Variants in DNAJB6 observed in about 807,000 individuals in gnomAD.
The protein encoded by DNAJB6 is DnaJ heat shock protein family (Hsp40) member B6, also known as dnaJ homolog subfamily B member 6.
Under a neutral mutation model 42.7 loss-of-function variants are expected in DNAJB6, and 16 were observed. The ratio of observed to expected loss-of-function variants is 0.37; its 90% CI spans 0.25 to 0.57. DNAJB6 has a LOEUF of 0.57. Among genes scored for constraint, DNAJB6 ranks in the 20% least tolerant of loss-of-function variants. The pLI, the probability that DNAJB6 is intolerant of heterozygous loss-of-function variation, is 0.74. For synonymous variants in DNAJB6, 170 were observed against 163.5 expected, an observed-to-expected ratio of 1.04 and a Z score of -0.30; for missense variants, 347 against 416.8, an observed-to-expected ratio of 0.83 and a Z score of 1.46.
At chr7:157,384,106 C>T (rs931037139) in intron 6 of DNAJB6, among the ~76,000 whole-genome samples, 1 of 152,142 alleles carries the variant, frequency 6.6e-6, no homozygotes, top group Non-Finnish European at 1.5e-5. Context: ...GGAAACAGGA[C>T]AAAAGCTCTA....
At chr7:157,340,810 A>G (rs1798322082) in intron 1 of DNAJB6, among the ~76,000 whole-genome samples, 1 of 152,070 alleles carries the variant, frequency 6.6e-6, no homozygotes, top group Non-Finnish European at 1.5e-5. Context: ...CTGGGATGAC[A>G]GGCGCGTGTC....
Position 157,409,801 on chromosome 7 carries a change from CCGA to C in DNAJB6, c.705_707del (p.Asp236del). On this transcript the variant is annotated inframe_deletion, in exon 9 of 10. Coordinates refer to ENST00000262177, the MANE Select transcript of DNAJB6 (RefSeq NM_058246.4). Reference sequence around the variant, plus strand: ...TCTCCCGCTGTGCCTGCAGGTGTGGCCGACGACGATGCCCTCGCTGAGGAGCGC... The same window carrying C: ...TCTCCCGCTGTGCCTGCAGGTGTGGCCGACGATGCCCTCGCTGAGGAGCGC... 1 of 1,527,606 alleles carries C rather than the reference CCGA, an allele frequency of 6.5e-7. No homozygotes were observed. Among genetic ancestry groups the C allele is most frequent in the African/African-American group, 1.4e-5 (1 of 72,708 alleles). The allele number at this position is 1,527,606 out of a possible 1,614,324, so 94.6% of individuals were successfully genotyped here. A position where few individuals can be genotyped will look rare whatever the true frequency, so the allele number is the denominator to read the frequency against.
rs1417312830 is a variant in DNAJB6, at chr7:157,352,574, TCTC to T, written c.-26-5970_-26-5968del. Among the ~76,000 whole-genome samples the T allele has an allele frequency of 4.6e-5, 7 of 152,084 alleles. No individual in the cohort carries two copies. The South Asian group carries it at 1.2e-3, about 27-fold the overall frequency. On this transcript the variant is annotated intron_variant, in intron 1 of 9. Coordinates refer to ENST00000262177, the MANE Select transcript of DNAJB6 (RefSeq NM_058246.4). ...GGGTGTGGCATCTCTGCAGATGAGTTCTCCTGACTGTGCTCAGGCGGCTGTCTG... is the reference window on the plus strand; with the variant it reads ...GGGTGTGGCATCTCTGCAGATGAGTTCTGACTGTGCTCAGGCGGCTGTCTG...
intron 9 of DNAJB6, 102 bp from the exon 10 acceptor site, chr7:157,415,914 C>T: frequency 1.3e-6 from 2 of 1,592,088 alleles, no homozygotes; most frequent in Non-Finnish European, 1.7e-6. Flanking sequence ...CATTTTGTTG[C>T]TTTTTGTTCT....
chr7:157,354,300 A>G (rs905731626), intron 1 of DNAJB6, among the ~76,000 whole-genome samples: 2 of 151,940 alleles, frequency 1.3e-5, no homozygotes, highest in Non-Finnish European at 2.9e-5. Context: ...GGCATGCGCT[A>G]CCACGCCCGG....
intron 1 of DNAJB6, among the ~76,000 whole-genome samples, chr7:157,351,457 GTC>G (rs1375455445): frequency 6.6e-6 from 1 of 151,534 alleles, no homozygotes; most frequent in Non-Finnish European, 1.5e-5. Context: ...GTGAAACCCT[GTC>G]TCTACTAAAA....
chr7:157,363,484 A>G (rs1004090764), intron 3 of DNAJB6, among the ~76,000 whole-genome samples: 6 of 152,280 alleles, frequency 3.9e-5, no homozygotes, highest in Middle Eastern at 3.4e-3. Context: ...CAGGGCTTCT[A>G]GTAGTTTCTC....
chr7:157,396,494 C>T (rs1016181309), intron 8 of DNAJB6, among the ~76,000 whole-genome samples: 1 of 152,200 alleles, frequency 6.6e-6, no homozygotes. Flanking sequence ...CCAGGCACCC[C>T]ACCCAGCACC....
chr7:157,346,348 C>G (rs1044697136), intron 1 of DNAJB6, among the ~76,000 whole-genome samples: 2 of 109,110 alleles, frequency 1.8e-5, no homozygotes, highest in Non-Finnish European at 4.1e-5. Context: ...GTTAAAGATA[C>G]AACTTAGTTT....
chr7:157,373,102 A>G (rs929681804), intron 5 of DNAJB6, among the ~76,000 whole-genome samples: 5 of 151,840 alleles, frequency 3.3e-5, no homozygotes, highest in Admixed American at 6.6e-5. Context: ...CATCATTTAT[A>G]TTGGCTTAGT....
intron 5 of DNAJB6, among the ~76,000 whole-genome samples, chr7:157,376,252 A>C (rs1315313454): frequency 6.6e-6 from 1 of 152,114 alleles, no homozygotes; most frequent in African/African-American, 2.4e-5. Flanking sequence ...CAGTTTTCTC[A>C]CACTGTTCAT....
chr7:157,363,194 T>C lies in DNAJB6; in HGVS notation c.99T>C (p.Asp33=). ...AACTGGCACTGAAGTGGCATCCAGA[T>C]AAAAATCCTGAGAATAAAGAAGAAG... ...YRKLALKWHP[D]KNPENKEEAE... is the part of the protein sequence containing the mutation. Residue 33 remains aspartate (D), a synonymous_variant, in exon 3 of 10, where the codon GAT becomes GAC. Coordinates refer to ENST00000262177, the MANE Select transcript of DNAJB6 (RefSeq NM_058246.4). 6.2e-7 allele frequency: 1 copy of C among 1,611,096 alleles called. No homozygotes were observed. Among genetic ancestry groups the C allele is most frequent in the Non-Finnish European group, 8.5e-7 (1 of 1,178,708 alleles).
In DNAJB6 at chr7:157,342,916, G is replaced by A. The variant is rs149158712; in HGVS notation, c.-27+5772G>A. On this transcript the variant is annotated intron_variant, in intron 1 of 9. Transcript: ENST00000262177. Reference sequence around the variant, plus strand: ...CTGGATAATGAAATAAGTAGGTGATGTGTGTGATAAGGAATGAAAATTCAC... The same window carrying A: ...CTGGATAATGAAATAAGTAGGTGATATGTGTGATAAGGAATGAAAATTCAC... Among the ~76,000 whole-genome samples, 20 of 151,166 alleles carry A rather than the reference G, an allele frequency of 1.3e-4. No homozygotes were observed. In the East Asian group the frequency reaches 3.9e-3, roughly 29 times the overall value.
chr7:157,372,998 A>G (rs1479408264), intron 5 of DNAJB6, among the ~76,000 whole-genome samples: 1 of 152,214 alleles, frequency 6.6e-6, no homozygotes, highest in Non-Finnish European at 1.5e-5. Context: ...TCCAACCGCT[A>G]GGCTCAAGCA....
chr7:157,369,341 T>G (rs73503270), intron 5 of DNAJB6: 10,265 of 456,712 alleles, frequency 0.022, 469 homozygotes, highest in East Asian at 0.19. Context: ...TTCAGCAAAC[T>G]GCATTTGTTG....
rs140447941 is a variant in DNAJB6, at chr7:157,384,424, A to C, written c.479-443A>C. Among the ~76,000 whole-genome samples the C allele has an allele frequency of 6.6e-3, 1,000 of 152,190 alleles. 11 individuals are homozygous for C. Among genetic ancestry groups the C allele is most frequent in the African/African-American group, 0.022 (928 of 41,500 alleles). On this transcript the variant is annotated intron_variant, in intron 6 of 9. Transcript: ENST00000262177. ...TAAGAGTGTCCATCACAGTCTGTGG[A>C]GTTTACAAGCCACGCCAAAGCAAAC... is the stretch of plus-strand genomic sequence containing the variant.
At chr7:157,348,112 A>G (rs1004856565) in intron 1 of DNAJB6, among the ~76,000 whole-genome samples, 5 of 144,302 alleles carry the variant, frequency 3.5e-5, no homozygotes, top group Admixed American at 1.4e-4. Flanking sequence ...TATTTTTTTG[A>G]GATGGAGTCT....
At chr7:157,397,460 G>A (rs1298807569) in intron 8 of DNAJB6, among the ~76,000 whole-genome samples, 4 of 152,242 alleles carry the variant, frequency 2.6e-5, no homozygotes, top group Non-Finnish European at 5.9e-5. Context: ...CCCCAGCAGG[G>A]CTTCTGGGAA....
At chr7:157,397,624 G>C (rs142848419) in intron 8 of DNAJB6, among the ~76,000 whole-genome samples, 1 of 152,244 alleles carries the variant, frequency 6.6e-6, no homozygotes, top group Non-Finnish European at 1.5e-5. Context: ...CCCTCTCCCA[G>C]CTGGGCCCTG....
Sources: allele counts gnomAD v4.1 joint callset (sites outside exome capture counted in the v4.1 genomes callset), GRCh38; gene constraint gnomAD v4.1.1; transcripts MANE v1.5; gene names NCBI Gene and HGNC (gene_info 2026-07-23, HGNC 2026-07-21).